The following FAM135B variants were observed in gnomAD, a reference collection of about 807,000 sequenced individuals.
FAM135B encodes the protein family with sequence similarity 135 member B.
A neutral mutation model predicts 127.7 loss-of-function variants in FAM135B; 43 were observed. That is an observed-to-expected ratio of 0.34 (90% CI 0.26 to 0.43). FAM135B has a LOEUF of 0.43. FAM135B is among the 20% of genes least tolerant of loss of function. The pLI is 1.00. For synonymous variants in FAM135B, 670 were observed against 665.1 expected (o/e 1.01, Z -0.11); for missense variants, 1,558 against 1,725.6 (o/e 0.90, Z 1.72).
At chr8:138,284,993 C>T (rs1282365679) in intron 3 of FAM135B, among the ~76,000 whole-genome samples, 1 of 151,882 alleles carries the variant, frequency 6.6e-6, no homozygotes. Flanking sequence ...ATTATAAAGG[C>T]ATTAACTCAT....
chr8:138,152,352 G>C lies in FAM135B; in HGVS notation c.2123C>G (p.Pro708Arg), dbSNP rs754144184. ...SEARSRALEL[P>R]SDREVLHPFV... ...CGGGTGCAAGACTTCCCGATCACTG[G>C]GCAACTCCAGAGCCCTGCTTCGGGC... The change falls in exon 13 of 20, where the codon CCC becomes CGC. Residue 708 changes from proline to arginine, a missense_variant. Pro to Arg is a moderately radical substitution (Grantham distance 103). Transcript: ENST00000395297. The C allele has an allele frequency of 1.9e-6, 3 of 1,614,122 alleles. No homozygotes were observed. In the East Asian group the frequency reaches 6.7e-5, roughly 36 times the overall value.
At position 138,193,764 on chromosome 8, in the gene FAM135B, C is replaced by A. The variant is rs372678072; in HGVS notation, c.873+1494G>T. 2.8e-4 allele frequency among the ~76,000 whole-genome samples: 43 copies of A among 152,246 alleles called. 1 individual carries two copies. In the South Asian group the frequency reaches 2.9e-3, roughly 10 times the overall value. Reference sequence around the variant, plus strand: ...AGCAGAGCACTTAGGAGGGTCCTTGCGTGAGCTCTCTAGCGGTCCCCTCAG... The same window carrying A: ...AGCAGAGCACTTAGGAGGGTCCTTGAGTGAGCTCTCTAGCGGTCCCCTCAG... On this transcript the variant is annotated intron_variant, in intron 9 of 19. Coordinates refer to ENST00000395297, the MANE Select transcript of FAM135B (RefSeq NM_015912.4).
At chr8:138,466,312 AAG>A (rs1837378244) in intron 1 of FAM135B, among the ~76,000 whole-genome samples, 1 of 152,176 alleles carries the variant, frequency 6.6e-6, no homozygotes, top group African/African-American at 2.4e-5. Flanking sequence ...GACCCAGTTA[AAG>A]AGAGTGGGTC....
intron 1 of FAM135B, among the ~76,000 whole-genome samples, chr8:138,464,692 C>G (rs987978665): frequency 6.6e-6 from 1 of 152,178 alleles, no homozygotes; most frequent in Non-Finnish European, 1.5e-5. Flanking sequence ...CAACAGAGAT[C>G]CTTGCGGCTG....
At chr8:138,222,678 G>GTTT (rs33913656) in intron 7 of FAM135B, among the ~76,000 whole-genome samples, 56 of 104,018 alleles carry the variant, frequency 5.4e-4, no homozygotes, top group African/African-American at 1.3e-3. Flanking sequence ...TGTTGGTGGT[G>GTTT]TTTTTTTTTT....
intron 9 of FAM135B, among the ~76,000 whole-genome samples, chr8:138,192,476 G>A (rs1816219997): frequency 6.6e-6 from 1 of 152,206 alleles, no homozygotes; most frequent in South Asian, 2.1e-4. Flanking sequence ...ACAAGATTCT[G>A]ACCCTCCTCA....
chr8:138,386,509 A>G (rs138660108), intron 1 of FAM135B, among the ~76,000 whole-genome samples: 2 of 152,302 alleles, frequency 1.3e-5, no homozygotes, highest in East Asian at 3.9e-4. Flanking sequence ...CTGGAAGAAA[A>G]GAATGGAAGA....
intron 3 of FAM135B, among the ~76,000 whole-genome samples, chr8:138,267,372 T>C (rs1462880338): frequency 6.6e-6 from 1 of 152,212 alleles, no homozygotes. Context: ...ACCCAGTTTA[T>C]GGCATTTTGT....
At chr8:138,382,174 C>T (rs1171120666) in intron 1 of FAM135B, among the ~76,000 whole-genome samples, 3 of 152,302 alleles carry the variant, frequency 2.0e-5, no homozygotes, top group East Asian at 1.9e-4. Flanking sequence ...CCTTCTCACA[C>T]ACTCCAAGGC....
In FAM135B at chr8:138,234,420, G is replaced by A. The variant is rs1236084570; in HGVS notation, c.669+8522C>T. ...CTCCAAGAGAAATCTGCACTCCCTTGTTCATTGCAGCATCATTCACAATAG... is the reference window on the plus strand; with the variant it reads ...CTCCAAGAGAAATCTGCACTCCCTTATTCATTGCAGCATCATTCACAATAG... On this transcript the variant is annotated intron_variant, in intron 7 of 19. Transcript: ENST00000395297. Among the ~76,000 whole-genome samples, 3 of 152,068 alleles carry A rather than the reference G, an allele frequency of 2.0e-5. No homozygotes were observed. In the East Asian group the frequency reaches 5.8e-4, roughly 29 times the overall value.
chr8:138,211,096 C>T (rs888708236), intron 7 of FAM135B, among the ~76,000 whole-genome samples: 1 of 152,174 alleles, frequency 6.6e-6, no homozygotes, highest in Non-Finnish European at 1.5e-5. Flanking sequence ...TGTTAGCTCT[C>T]TCTTGGCTCC....
chr8:138,145,230 G>A (rs1254576046), intron 15 of FAM135B, among the ~76,000 whole-genome samples: 2 of 152,104 alleles, frequency 1.3e-5, no homozygotes. Context: ...TGCCCAGGCT[G>A]TTTTTGAACT....
chr8:138,189,845 G>C (rs1456978167), intron 9 of FAM135B, among the ~76,000 whole-genome samples: 1 of 152,196 alleles, frequency 6.6e-6, no homozygotes, highest in Admixed American at 6.5e-5. Flanking sequence ...GTCCTAATAA[G>C]ATAAGTCAGC....
In FAM135B at chr8:138,151,602, C is replaced by T. The variant is rs1563690101; in HGVS notation, c.2873G>A (p.Gly958Asp). ...TGTGTCATCCATAATGCAAGGTGAA[C>T]CGCTTTGGCTTTGCTGGCCTGTTGA... ...RNSTGQQSQS[G>D]SPCIMDDTAF... The change falls in exon 13 of 20, where the codon GGT becomes GAT. Residue 958 changes from glycine to aspartate, a missense_variant. Physicochemically the swap from Gly to Asp is moderately conservative, Grantham distance 94 (BLOSUM62 -1). Transcript: ENST00000395297. The T allele has an allele frequency of 6.2e-7, 1 of 1,614,162 alleles. No homozygotes were observed. The highest frequency in any genetic ancestry group is 1.3e-5 in the African/African-American group (1 of 75,044).
At chr8:138,462,486 A>G (rs375293557) in intron 1 of FAM135B, among the ~76,000 whole-genome samples, 14 of 152,138 alleles carry the variant, frequency 9.2e-5, no homozygotes, top group Middle Eastern at 3.4e-3. Context: ...TCAAGAAAGA[A>G]CTCCAGAGCT....
chr8:138,197,388 G>A (rs978093329), intron 8 of FAM135B, 128 bp downstream of exon 8: 1 of 1,157,644 alleles, frequency 8.6e-7, no homozygotes, highest in Non-Finnish European at 1.2e-6. Flanking sequence ...AAAAATCACA[G>A]CCCAAACCTA....
At chr8:138,319,077 A>C (rs968630531) in intron 2 of FAM135B, among the ~76,000 whole-genome samples, 1 of 57,024 alleles carries the variant, frequency 1.8e-5, no homozygotes, top group African/African-American at 5.9e-5. Context: ...TCAGTAAGTA[A>C]ATCTACAAGT....
In FAM135B at chr8:138,245,796, T is replaced by C. The variant is rs147462964; in HGVS notation, c.543-2728A>G. The stretch of plus-strand genomic sequence containing the variant: ...ACAGTTTGAAGGGCTCAGAGGAAGA[T>C]AGGAAAATGTGAGAAAGTTTGGAAT... On this transcript the variant is annotated intron_variant, in intron 6 of 19. Coordinates refer to ENST00000395297, the MANE Select transcript of FAM135B (RefSeq NM_015912.4). 7.0e-3 allele frequency among the ~76,000 whole-genome samples: 1,063 copies of C among 152,212 alleles called. 5 individuals are homozygous for C. Among genetic ancestry groups the C allele is most frequent in the African/African-American group, 0.022 (925 of 41,516 alleles).
At chr8:138,413,327 C>T (rs1039907048) in intron 1 of FAM135B, among the ~76,000 whole-genome samples, 2 of 152,142 alleles carry the variant, frequency 1.3e-5, no homozygotes, top group Admixed American at 6.5e-5. Context: ...CAAGTCTTTG[C>T]TCATCTACTC....
Sources: allele counts gnomAD v4.1 joint callset (sites outside exome capture counted in the v4.1 genomes callset), GRCh38; gene constraint gnomAD v4.1.1; transcripts MANE v1.5; gene names NCBI Gene and HGNC (gene_info 2026-07-23, HGNC 2026-07-21).